ACAP2: variants seen among roughly 807,000 people sequenced by gnomAD.
The protein encoded by ACAP2 is arf-GAP with coiled-coil, ANK repeat and PH domain-containing protein 2.
Under a neutral mutation model 115.8 loss-of-function variants are expected in ACAP2, and 39 were observed. The observed-to-expected ratio is 0.34, with a 90% confidence interval of 0.26 to 0.44. The LOEUF is 0.44. Among genes scored for constraint, ACAP2 ranks in the 20% least tolerant of loss-of-function variants. The pLI is 1.00. For synonymous variants in ACAP2, 289 were observed against 315.8 expected, an observed-to-expected ratio of 0.92 and a Z score of 0.90; for missense variants, 662 against 927.6, an observed-to-expected ratio of 0.71 and a Z score of 3.72.
Position 195,304,024 on chromosome 3 carries a change from C to T in ACAP2, c.1117-1850G>A, listed in dbSNP as rs929903186. On this transcript the variant is annotated intron_variant, in intron 13 of 22. Coordinates refer to ENST00000326793, the MANE Select transcript of ACAP2 (RefSeq NM_012287.6). ...AAAATACAAAAAAAAATTAGCCGGGCATGGTGGTACATGCCTGTAATCCTA... is the reference window on the plus strand; with the variant it reads ...AAAATACAAAAAAAAATTAGCCGGGTATGGTGGTACATGCCTGTAATCCTA... Among the ~76,000 whole-genome samples the T allele has an allele frequency of 1.4e-4, 22 of 151,754 alleles. No homozygotes were observed. In the East Asian group the frequency reaches 3.3e-3, roughly 23 times the overall value.
chr3:195,336,894 T>C, intron 7 of ACAP2, 38 bp downstream of exon 7: 1 of 1,498,448 alleles, frequency 6.7e-7, no homozygotes, highest in African/African-American at 1.4e-5. Flanking sequence ...TAGTTTCATA[T>C]TAAAATATTT....
rs143598169 is a variant in ACAP2, at chr3:195,438,289, A to G, written c.53+4506T>C. 9.8e-3 allele frequency among the ~76,000 whole-genome samples: 1,494 copies of G among 151,890 alleles called. 9 individuals carry two copies. Among genetic ancestry groups the G allele is most frequent in the Non-Finnish European group, 0.016 (1,098 of 67,926 alleles). ...CTGATCTGCCCACCTCAGCCTCCCA[A>G]AGTGCTAGGATTACAGGTTTGAGCC... On this transcript the variant is annotated intron_variant, in intron 1 of 22. Transcript: ENST00000326793.
At chr3:195,338,054 C>T (rs1363899752) in intron 6 of ACAP2, among the ~76,000 whole-genome samples, 1 of 152,200 alleles carries the variant, frequency 6.6e-6, no homozygotes, top group Non-Finnish European at 1.5e-5. Context: ...CTATCTCCTA[C>T]CAATCAGGTC....
At chr3:195,337,069 CTT>C in intron 6 of ACAP2, 93 bp from the exon 7 acceptor site, 1 of 1,203,106 alleles carries the variant, frequency 8.3e-7, no homozygotes. Context: ...TGGTTTAATA[CTT>C]TTCGAAAAAG....
chr3:195,391,067 G>T (rs1734639950), intron 2 of ACAP2, among the ~76,000 whole-genome samples: 1 of 151,968 alleles, frequency 6.6e-6, no homozygotes, highest in South Asian at 2.1e-4. Flanking sequence ...AGTATTTCTG[G>T]TATTAGCTTA....
intron 7 of ACAP2, among the ~76,000 whole-genome samples, chr3:195,335,497 G>C (rs924775698): frequency 4.6e-5 from 7 of 152,078 alleles, no homozygotes; most frequent in African/African-American, 1.7e-4. Context: ...CACACACACA[G>C]AAAGAGAGAA....
At chr3:195,406,467 T>C (rs536176393) in intron 1 of ACAP2, among the ~76,000 whole-genome samples, 94 of 152,314 alleles carry the variant, frequency 6.2e-4, no homozygotes, top group African/African-American at 2.1e-3. Context: ...TACAGCATCA[T>C]AGTTGCACAT....
rs532993883 is a variant in ACAP2, at chr3:195,369,813, C to T, written c.285+11196G>A. On this transcript the variant is annotated intron_variant, in intron 4 of 22. Transcript: ENST00000326793. ...TGGGTCAAATGGTAGTTCTGCTTTTCGGTCTTTGAGAAATCACCACACTGC... is the reference window on the plus strand; with the variant it reads ...TGGGTCAAATGGTAGTTCTGCTTTTTGGTCTTTGAGAAATCACCACACTGC... Among the ~76,000 whole-genome samples the T allele has an allele frequency of 1.3e-4, 20 of 152,236 alleles. No individual in the cohort carries two copies. In the South Asian group the frequency reaches 3.1e-3, roughly 24 times the overall value.
intron 4 of ACAP2, among the ~76,000 whole-genome samples, chr3:195,370,024 T>C (rs1265834570): frequency 2.0e-5 from 3 of 152,262 alleles, no homozygotes; most frequent in Admixed American, 6.5e-5. Flanking sequence ...ACTCAACATT[T>C]CTTCACAGGC....
chr3:195,299,349 C>T (rs1347925477), intron 15 of ACAP2, among the ~76,000 whole-genome samples: 1 of 151,298 alleles, frequency 6.6e-6, no homozygotes, highest in Non-Finnish European at 1.5e-5. Flanking sequence ...GCAGGCAGAT[C>T]ACTTGAGGCC....
chr3:195,367,238 T>C (rs1381115911), intron 4 of ACAP2, among the ~76,000 whole-genome samples: 1 of 152,184 alleles, frequency 6.6e-6, no homozygotes, highest in Non-Finnish European at 1.5e-5. Flanking sequence ...GGGTGGGCTC[T>C]GAGAATCTAC....
intron 1 of ACAP2, among the ~76,000 whole-genome samples, chr3:195,426,270 T>A (rs1302710287): frequency 6.6e-6 from 1 of 152,134 alleles, no homozygotes; most frequent in African/African-American, 2.4e-5. Flanking sequence ...CACCCTTTCC[T>A]ACCCATGACT....
intron 1 of ACAP2, among the ~76,000 whole-genome samples, chr3:195,441,540 A>G (rs774100436): frequency 6.6e-6 from 1 of 152,230 alleles, no homozygotes; most frequent in Non-Finnish European, 1.5e-5. Context: ...TAGTTTTACA[A>G]TTCTTTTCTT....
At chr3:195,347,178 T>G (rs1018074319) in intron 4 of ACAP2, among the ~76,000 whole-genome samples, 2 of 152,292 alleles carry the variant, frequency 1.3e-5, no homozygotes, top group Non-Finnish European at 1.5e-5. Context: ...CAATAGATTT[T>G]TAAATGAATT....
At chr3:195,399,212 G>A (rs1453021782) in intron 1 of ACAP2, among the ~76,000 whole-genome samples, 4 of 152,152 alleles carry the variant, frequency 2.6e-5, no homozygotes, top group Non-Finnish European at 5.9e-5. Flanking sequence ...ATATTAACAA[G>A]TTTCATTCAT....
At chr3:195,317,761 C>A (rs928729535) in intron 10 of ACAP2, among the ~76,000 whole-genome samples, 2 of 152,140 alleles carry the variant, frequency 1.3e-5, no homozygotes, top group Non-Finnish European at 2.9e-5. Flanking sequence ...TCAACTGCCA[C>A]AGCTTCATAT....
chr3:195,358,086 G>A (rs767700606), intron 4 of ACAP2, among the ~76,000 whole-genome samples: 7 of 152,130 alleles, frequency 4.6e-5, no homozygotes, highest in Non-Finnish European at 1.0e-4. Flanking sequence ...AGATTTGGGT[G>A]GGGACACAAA....
chr3:195,365,053 C>G (rs1022401642), intron 4 of ACAP2, among the ~76,000 whole-genome samples: 1 of 152,132 alleles, frequency 6.6e-6, no homozygotes, highest in Non-Finnish European at 1.5e-5. Flanking sequence ...CGTGTTCTCA[C>G]TTATTTGTGG....
chr3:195,391,166 T>C (rs1389527426), intron 2 of ACAP2, among the ~76,000 whole-genome samples: 1 of 151,876 alleles, frequency 6.6e-6, no homozygotes, highest in Non-Finnish European at 1.5e-5. Flanking sequence ...ATGAAATCCA[T>C]TAAGCAACAA....
Sources: gnomAD v4.1 joint callset for allele counts (sites outside exome capture counted in the v4.1 genomes callset) on GRCh38, gnomAD v4.1.1 for gene constraint, MANE v1.5 for transcripts, NCBI Gene and HGNC (gene_info 2026-07-23, HGNC 2026-07-21) for gene names.